The following ESRRB variants were observed in gnomAD, a reference collection of about 807,000 sequenced individuals.
The protein encoded by ESRRB is steroid hormone receptor ERR2.
In ESRRB, 16 loss-of-function variants were observed where a neutral mutation model predicts 46.0. The observed-to-expected ratio is 0.35, with a 90% CI of 0.24 to 0.53. The LOEUF (loss-of-function observed/expected upper bound fraction) is 0.53, where lower values mean the gene tolerates loss of function less well. ESRRB is among the 20% of genes least tolerant of loss of function. The pLI, the probability that ESRRB is intolerant of heterozygous loss-of-function variation, is 0.93. For missense variants in ESRRB, 488 were observed against 607.4 expected (o/e 0.80, Z 2.07); for synonymous variants, 246 against 259.6 (o/e 0.95, Z 0.50).
At chr14:76,312,195 A>G (rs949353668) in intron 1 of ESRRB, among the ~76,000 whole-genome samples, 1 of 152,190 alleles carries the variant, frequency 6.6e-6, no homozygotes, top group Non-Finnish European at 1.5e-5. Context: ...TGCCTGTATT[A>G]TTTTTGATTG....
At chr14:76,485,626 T>TGA (rs151021182) in intron 5 of ESRRB, among the ~76,000 whole-genome samples, 5,397 of 143,796 alleles carry the variant, frequency 0.038, 100 homozygotes, top group African/African-American at 0.052. Flanking sequence ...TCCCTATCCC[T>TGA]GAGAGAGAGA....
chr14:76,438,058 G>A (rs1887750103), intron 1 of ESRRB, among the ~76,000 whole-genome samples: 1 of 152,134 alleles, frequency 6.6e-6, no homozygotes, highest in African/African-American at 2.4e-5. Flanking sequence ...TTCCAGTGGA[G>A]ACATGTCTCT....
At chr14:76,462,513 C>T (rs951113656) in intron 2 of ESRRB, 32 bp from the exon 3 acceptor site, 1 of 1,574,364 alleles carries the variant, frequency 6.4e-7, no homozygotes, top group Non-Finnish European at 8.7e-7. Context: ...GGGCGGCCAG[C>T]ACCCGGCAAC....
At chr14:76,379,295 A>T (rs971940222) in intron 1 of ESRRB, among the ~76,000 whole-genome samples, 1 of 152,170 alleles carries the variant, frequency 6.6e-6, no homozygotes, top group Non-Finnish European at 1.5e-5. Context: ...AAATGGGTCC[A>T]TGACTGGACC....
intron 1 of ESRRB, among the ~76,000 whole-genome samples, chr14:76,355,034 G>A (rs565952111): frequency 6.6e-6 from 1 of 152,196 alleles, no homozygotes; most frequent in South Asian, 2.1e-4. Context: ...ATCTGCACGG[G>A]CCAAGGAGGA....
chr14:76,390,798 A>G (rs1302790163), intron 1 of ESRRB, among the ~76,000 whole-genome samples: 1 of 152,240 alleles, frequency 6.6e-6, no homozygotes, highest in East Asian at 1.9e-4. Flanking sequence ...ATGGAGAGGT[A>G]TGCTGAAGCC....
chr14:76,452,734 A>G (rs1888447226), intron 2 of ESRRB, among the ~76,000 whole-genome samples: 1 of 152,086 alleles, frequency 6.6e-6, no homozygotes, highest in Non-Finnish European at 1.5e-5. Flanking sequence ...TAGATTTCTA[A>G]TTTAGGCTAC....
At chr14:76,368,574 G>A (rs1168075402), upstream of ESRRB, among the ~76,000 whole-genome samples, 1 of 152,150 alleles carries the variant, frequency 6.6e-6, no homozygotes, top group East Asian at 1.9e-4. Flanking sequence ...AAATCTTGTA[G>A]TGGTGACTGC....
At chr14:76,397,938 A>G (rs931879112) in intron 1 of ESRRB, among the ~76,000 whole-genome samples, 141 of 152,224 alleles carry the variant, frequency 9.3e-4, no homozygotes, top group African/African-American at 3.3e-3. Flanking sequence ...GGCTTGCACT[A>G]TCTGTTGCAC....
At chr14:76,464,612 C>A (rs565703496) in intron 3 of ESRRB, among the ~76,000 whole-genome samples, 1 of 152,304 alleles carries the variant, frequency 6.6e-6, no homozygotes, top group Admixed American at 6.5e-5. Flanking sequence ...GACAGGCCAG[C>A]TGCTTCGTTA....
At chr14:76,398,053 C>A (rs1885772536) in intron 1 of ESRRB, among the ~76,000 whole-genome samples, 1 of 152,210 alleles carries the variant, frequency 6.6e-6, no homozygotes, top group Non-Finnish European at 1.5e-5. Flanking sequence ...TATGTCTAGC[C>A]TTTTAAACAT....
At chr14:76,479,652 C>T (rs779369559) in intron 3 of ESRRB, among the ~76,000 whole-genome samples, 19 of 152,174 alleles carry the variant, frequency 1.2e-4, no homozygotes, top group Non-Finnish European at 2.4e-4. Context: ...GGGCTGCCTA[C>T]ACTCTGCTGG....
At chr14:76,480,962 G>T (rs1414643520) in intron 3 of ESRRB, among the ~76,000 whole-genome samples, 1 of 152,206 alleles carries the variant, frequency 6.6e-6, no homozygotes, top group East Asian at 1.9e-4. Flanking sequence ...TCATGATCAG[G>T]AAAAGGGAGC....
chr14:76,432,950 C>T (rs536033585), intron 1 of ESRRB, among the ~76,000 whole-genome samples: 1 of 152,262 alleles, frequency 6.6e-6, no homozygotes, highest in East Asian at 1.9e-4. Flanking sequence ...GCTGAGATTA[C>T]AGGCATGAGC....
At chr14:76,440,513 G>A (rs1384813538) in intron 2 of ESRRB, among the ~76,000 whole-genome samples, 1 of 152,026 alleles carries the variant, frequency 6.6e-6, no homozygotes, top group Non-Finnish European at 1.5e-5. Flanking sequence ...AGCTCATCCT[G>A]TCTGGATCCC....
At chr14:76,473,257 C>G (rs560544974) in intron 3 of ESRRB, among the ~76,000 whole-genome samples, 2 of 152,306 alleles carry the variant, frequency 1.3e-5, no homozygotes, top group East Asian at 3.9e-4. Context: ...AAATGAGATA[C>G]GGGTATGAAA....
chr14:76,370,431 AACTG>A (rs1479285597), upstream of ESRRB, among the ~76,000 whole-genome samples: 1 of 152,194 alleles, frequency 6.6e-6, no homozygotes, highest in African/African-American at 2.4e-5. Context: ...AGTCACAAGA[AACTG>A]AACGATAATG....
intron 1 of ESRRB, among the ~76,000 whole-genome samples, chr14:76,409,696 C>G (rs1341061974): frequency 6.6e-6 from 1 of 152,034 alleles, no homozygotes; most frequent in Non-Finnish European, 1.5e-5. Flanking sequence ...GGGGACCTCC[C>G]TGGGAGCCAG....
chr14:76,338,303 C>G (rs1222970632), intron 1 of ESRRB, among the ~76,000 whole-genome samples: 2 of 152,176 alleles, frequency 1.3e-5, no homozygotes, highest in Non-Finnish European at 2.9e-5. Flanking sequence ...GAGCGAGCAC[C>G]CAGGCACCCT....
Sources: allele counts gnomAD v4.1 joint callset (sites outside exome capture counted in the v4.1 genomes callset), GRCh38; gene constraint gnomAD v4.1.1; transcripts MANE v1.5; gene names NCBI Gene and HGNC (gene_info 2026-07-23, HGNC 2026-07-21).